Variants in USP43 observed in about 807,000 individuals in gnomAD.
The protein encoded by USP43 is ubiquitin specific peptidase 43.
A neutral mutation model predicts 90.7 loss-of-function variants in USP43; 33 were observed. The observed-to-expected ratio is 0.36, with a 90% CI of 0.28 to 0.49. The LOEUF (loss-of-function observed/expected upper bound fraction) is 0.49, where lower values mean the gene tolerates loss of function less well. USP43 is among the 20% of genes least tolerant of loss of function. The probability of loss-of-function intolerance (pLI) is 0.98; values close to 1 mark genes in which losing one functional copy is unlikely to be tolerated. For missense variants in USP43, 1,274 were observed against 1,476.4 expected, an observed-to-expected ratio of 0.86 and a Z score of 2.25; for synonymous variants, 598 against 615.8, an observed-to-expected ratio of 0.97 and a Z score of 0.43.
At chr17:9,681,993 A>G (rs1914320233) in intron 6 of USP43, among the ~76,000 whole-genome samples, 2 of 152,210 alleles carry the variant, frequency 1.3e-5, no homozygotes, top group Admixed American at 6.5e-5. Context: ...ATTACAACCC[A>G]GTGAAACAAG....
chr17:9,689,357 A>C (rs753057793), intron 8 of USP43, among the ~76,000 whole-genome samples: 2 of 152,060 alleles, frequency 1.3e-5, no homozygotes, highest in Non-Finnish European at 2.9e-5. Flanking sequence ...TGACCAGTTT[A>C]CTGGATAGGA....
intron 8 of USP43, among the ~76,000 whole-genome samples, chr17:9,688,987 C>A (rs548954344): frequency 1.3e-5 from 2 of 152,148 alleles, no homozygotes; most frequent in Non-Finnish European, 2.9e-5. Flanking sequence ...CTGTGCCCAG[C>A]CCAATTTCAA....
At chr17:9,656,185 G>T (rs963387517) in intron 1 of USP43, among the ~76,000 whole-genome samples, 1 of 152,102 alleles carries the variant, frequency 6.6e-6, no homozygotes, top group Non-Finnish European at 1.5e-5. Context: ...GGAAGAAAAT[G>T]TCTTCTCCCA....
intron 8 of USP43, among the ~76,000 whole-genome samples, chr17:9,690,119 C>T (rs1914848434): frequency 6.6e-6 from 1 of 152,116 alleles, no homozygotes. Context: ...ATGCTCCCTG[C>T]ACACGTCAGC....
intron 1 of USP43, among the ~76,000 whole-genome samples, chr17:9,648,617 T>C (rs1468351291): frequency 6.6e-6 from 1 of 152,078 alleles, no homozygotes; most frequent in Non-Finnish European, 1.5e-5. Context: ...AACCAACCGC[T>C]GAGTTGAATT....
At chr17:9,672,944 C>T (rs754838439) in intron 3 of USP43, among the ~76,000 whole-genome samples, 3 of 152,164 alleles carry the variant, frequency 2.0e-5, no homozygotes, top group Non-Finnish European at 2.9e-5. Context: ...ACCAATCAAA[C>T]GAGACGGGCA....
intron 2 of USP43, among the ~76,000 whole-genome samples, chr17:9,659,861 G>T (rs77866504): frequency 8.9e-4 from 135 of 152,278 alleles, no homozygotes; most frequent in African/African-American, 3.1e-3. Flanking sequence ...GTGGCCGTTT[G>T]ATTCTTTTCT....
In USP43 at chr17:9,728,892, G is replaced by A. The variant is rs1228790722; in HGVS notation, c.3274G>A (p.Val1092Ile). ...GSALGMSQRT[V>I]PGEQASYGTF... ...TGCACTGGGCATGTCACAAAGGACT[G>A]TTCCAGGGGAGCAGGCTTCTTATGG... is the stretch of plus-strand genomic sequence containing the variant. The change falls in exon 15 of 15, where the codon GTT (valine) becomes ATT (isoleucine). Residue 1092 changes from valine to isoleucine, a missense_variant. Val to Ile is a conservative substitution (Grantham distance 29, BLOSUM62 3). This residue lies in a region of USP43 where 353 missense variants were observed against 329.7 expected (regional missense o/e 1.07). Transcript: ENST00000285199. This position sits in a 1 kb window ranked among gnomAD's most constrained non-coding sequence, Gnocchi z 6.2. 1 of 1,613,654 alleles carries A rather than the reference G, an allele frequency of 6.2e-7. No homozygotes were observed. Among genetic ancestry groups the A allele is most frequent in the Non-Finnish European group, 8.5e-7 (1 of 1,179,648 alleles).
chr17:9,685,300 G>A (rs764009854), intron 7 of USP43, among the ~76,000 whole-genome samples: 3 of 152,156 alleles, frequency 2.0e-5, no homozygotes, highest in African/African-American at 4.8e-5. Context: ...GAGTACCCAC[G>A]GCAGAGTTAG....
At chr17:9,716,919 T>C (rs928704918) in intron 14 of USP43, among the ~76,000 whole-genome samples, 6 of 152,150 alleles carry the variant, frequency 3.9e-5, no homozygotes, top group Non-Finnish European at 8.8e-5. Context: ...GAGGATCACC[T>C]GAGGTCAGGA....
Position 9,666,771 on chromosome 17 carries a change from A to G in USP43, c.740+20A>G. 6.3e-7 allele frequency: 1 copy of G among 1,586,816 alleles called. No homozygotes were observed. The highest frequency in any genetic ancestry group is 8.6e-7 in the Non-Finnish European group (1 of 1,159,824). ...ATATAGGTAAGATGGGGATGTGTTT[A>G]GAATGTATCACCCGAGGGCTCCGCA... On this transcript the variant is annotated intron_variant, in intron 3 of 14. Coordinates refer to ENST00000285199, the MANE Select transcript of USP43 (RefSeq NM_153210.5).
chr17:9,717,007 G>A (rs543081373), intron 14 of USP43, among the ~76,000 whole-genome samples: 178 of 152,048 alleles, frequency 1.2e-3, no homozygotes, highest in African/African-American at 4.0e-3. Context: ...ATGGTGGCGG[G>A]CACCTGTAAT....
chr17:9,652,234 A>AAAAG (rs61023073), intron 1 of USP43, among the ~76,000 whole-genome samples: 5 of 149,774 alleles, frequency 3.3e-5, no homozygotes, highest in African/African-American at 1.3e-4. Context: ...AAAAAAGAAA[A>AAAAG]GAAAAGAAAG....
chr17:9,725,740 G>T (rs4791358), intron 14 of USP43, among the ~76,000 whole-genome samples: 16,562 of 152,160 alleles, frequency 0.11, 2,805 homozygotes, highest in African/African-American at 0.36. Context: ...CTACCAGGAA[G>T]AAAGGAAGAA....
At chr17:9,655,346 T>G (rs1912166608) in intron 1 of USP43, among the ~76,000 whole-genome samples, 1 of 152,180 alleles carries the variant, frequency 6.6e-6, no homozygotes, top group African/African-American at 2.4e-5. Flanking sequence ...TGCTCACACA[T>G]GTATAGCAAA....
intron 1 of USP43, among the ~76,000 whole-genome samples, chr17:9,654,541 T>G (rs142459751): frequency 0.082 from 12,502 of 151,714 alleles, 528 homozygotes; most frequent in Middle Eastern, 0.13. Flanking sequence ...TCCCAGCTAC[T>G]TGGGAGGCTG....
intron 8 of USP43, among the ~76,000 whole-genome samples, chr17:9,691,893 A>G (rs1250226712): frequency 1.3e-5 from 2 of 151,858 alleles, no homozygotes; most frequent in Admixed American, 1.3e-4. Flanking sequence ...TACAAAAAAA[A>G]TTAGCCGGGT....
chr17:9,712,311 C>T (rs1334211857), intron 14 of USP43, among the ~76,000 whole-genome samples, 179 bp downstream of exon 14: 1 of 152,154 alleles, frequency 6.6e-6, no homozygotes, highest in Non-Finnish European at 1.5e-5. Context: ...CGCTTCTCCC[C>T]ATCCTCTACC....
intron 14 of USP43, among the ~76,000 whole-genome samples, chr17:9,715,963 G>C (rs1011545400): frequency 6.6e-6 from 1 of 151,250 alleles, no homozygotes; most frequent in African/African-American, 2.4e-5. Flanking sequence ...GTATGTATCT[G>C]TGTATATGTG....
Sources: allele counts gnomAD v4.1 joint callset (sites outside exome capture counted in the v4.1 genomes callset), GRCh38; gene constraint gnomAD v4.1.1; regional missense constraint gnomAD v4.1.1; non-coding constraint Gnocchi (gnomAD v3.1); transcripts MANE v1.5; gene names NCBI Gene and HGNC (gene_info 2026-07-23, HGNC 2026-07-21).